RBM12B: variants seen among roughly 807,000 people sequenced by gnomAD.
The protein encoded by RBM12B is RNA-binding protein 12B.
In RBM12B, 10 loss-of-function variants were observed where a neutral mutation model predicts 34.3. The observed-to-expected ratio is 0.29, with a 90% CI of 0.18 to 0.49. RBM12B has a LOEUF of 0.49. RBM12B is among the 20% of genes least tolerant of loss of function. RBM12B has a pLI of 0.99. For missense variants in RBM12B, 1,139 were observed against 1,262.7 expected (o/e 0.90, Z 1.48); for synonymous variants, 477 against 437.1 (o/e 1.09, Z -1.14).
At chr8:93,739,159 G>T (rs2130477368) in intron 2 of RBM12B, 1 of 152,202 alleles carries the variant, frequency 6.6e-6, no homozygotes, top group Admixed American at 6.5e-5. Flanking sequence ...CTCTTTTTAA[G>T]ATATTTTAGA....
Position 93,736,958 on chromosome 8 carries a change from G to A in RBM12B, c.-29+349C>T, listed in dbSNP as rs551919091. Among the ~76,000 whole-genome samples the A allele has an allele frequency of 2.0e-5, 3 of 152,328 alleles. No individual in the cohort carries two copies. In the East Asian group the frequency reaches 5.8e-4, roughly 29 times the overall value. On this transcript the variant is annotated intron_variant, in intron 3 of 3. Coordinates refer to ENST00000520560, the MANE Select transcript of RBM12B (RefSeq NM_001377960.1). ...ATGATAGCTCATGCCTGTAATTCCA[G>A]GCTTTGCAAGGCCAAGGCAAGAGGA...
rs747593819 is a variant in RBM12B, at chr8:93,728,272, C to G, written c.*5133G>C. Reference sequence around the variant, plus strand: ...GATGAGGATGACGAGTTAGATGTTACAGAAGAAGAAAATTTTCTTAAGTAA... The same window carrying G: ...GATGAGGATGACGAGTTAGATGTTAGAGAAGAAGAAAATTTTCTTAAGTAA... On this transcript the variant is annotated 3_prime_UTR_variant, in exon 4 of 4. Transcript: ENST00000520560. The G allele has an allele frequency of 6.3e-6, 10 of 1,588,434 alleles. No individual in the cohort carries two copies. In the Admixed American group the frequency reaches 1.8e-4, roughly 29 times the overall value.
chr8:93,739,369 G>C (rs1033061314), intron 2 of RBM12B, among the ~76,000 whole-genome samples: 5 of 152,140 alleles, frequency 3.3e-5, no homozygotes, highest in African/African-American at 1.2e-4. Context: ...AGTTTCATGA[G>C]CACAAATCTC....
Position 93,734,272 on chromosome 8 carries a change from C to G in RBM12B, c.2139G>C (p.Glu713Asp), listed in dbSNP as rs1199605113. The G allele has an allele frequency of 1.2e-6, 2 of 1,613,540 alleles. No individual in the cohort carries two copies. The highest frequency in any genetic ancestry group is 1.7e-6 in the Non-Finnish European group (2 of 1,179,782). ...GCTCCTGGGGTGACTGCCTGAAGTC[C>G]TCCTCAGGGGAATGCCTGAAATCCT... ...PEEDFRHSPE[E>D]DFRQSPQEHF... The change falls in exon 4 of 4, where the codon GAG becomes GAC. Residue 713 changes from glutamate to aspartate, a missense_variant. Physicochemically the swap from Glu to Asp is conservative, Grantham distance 45 (BLOSUM62 2). Transcript: ENST00000520560.
At position 93,734,979 on chromosome 8, in the gene RBM12B, C is replaced by T. The variant is rs550448005; in HGVS notation, c.1432G>A (p.Ala478Thr). 64 of 1,614,104 alleles carry T rather than the reference C, an allele frequency of 4.0e-5. 3 individuals carry two copies. In the South Asian group the frequency reaches 5.8e-4, roughly 15 times the overall value. ...TEVLLRLISE[A>T]QIQEFGVNFS... is the part of the protein sequence containing the mutation. Reference sequence around the variant, plus strand: ...TTTACACCAAACTCCTGTATTTGTGCCTCAGATATAAGTCTTAATAACACC... The same window carrying T: ...TTTACACCAAACTCCTGTATTTGTGTCTCAGATATAAGTCTTAATAACACC... Residue 478 changes from alanine (A) to threonine (T), a missense_variant, in exon 4 of 4, where the codon GCA becomes ACA. Physicochemically the swap from Ala to Thr is moderately conservative, Grantham distance 58. Around this residue, in one of 3 missense-constraint regions of RBM12B, gnomAD observed 863 missense variants for 869.5 expected, o/e 0.99. Transcript: ENST00000520560.
rs769272283 is a variant in RBM12B, at chr8:93,734,482, G to T, written c.1929C>A (p.Phe643Leu). Residue 643 changes from phenylalanine (F) to leucine (L), a missense_variant, in exon 4 of 4, where the codon TTC becomes TTA. Around this residue, in one of 3 missense-constraint regions of RBM12B, gnomAD observed 863 missense variants for 869.5 expected, o/e 0.99. Coordinates refer to ENST00000520560, the MANE Select transcript of RBM12B (RefSeq NM_001377960.1). ...TGAAGTCCTCCTCGGGGAGCTGCCT[G>T]AAGTCCTCCGTGGGAGACCGCCTGA... is the stretch of plus-strand genomic sequence containing the variant. ...EDFRRSPTED[F>L]RQLPEEDFRQ... 2 of 1,607,764 alleles carry T rather than the reference G, an allele frequency of 1.2e-6. No individual in the cohort carries two copies. The highest frequency in any genetic ancestry group is 1.7e-6 in the Non-Finnish European group (2 of 1,176,362).
rs1811930059 is a variant in RBM12B at position 93,734,391 on chromosome 8, C to T, written c.2020G>A (p.Asp674Asn). 6.2e-7 allele frequency: 1 copy of T among 1,611,928 alleles called. No individual in the cohort carries two copies. Among genetic ancestry groups the T allele is most frequent in the African/African-American group, 1.3e-5 (1 of 74,130 alleles). Reference protein sequence around the residue: ...EEDFRRPPEEDWRRPPEEDFR... With the variant: ...EEDFRRPPEENWRRPPEEDFR... ...TCCTCCTCTGGGGGCCGTCTCCAGT[C>T]CTCCTCAGGTGGCCGCCTGAAATCT... The change falls in exon 4 of 4, where the codon GAC becomes AAC. Residue 674 changes from aspartate to asparagine, a missense_variant. This residue lies in a region of RBM12B where 863 missense variants were observed against 869.5 expected (regional missense o/e 0.99). Coordinates refer to ENST00000520560, the MANE Select transcript of RBM12B (RefSeq NM_001377960.1).
chr8:93,737,529 T>A (rs1033740053), intron 2 of RBM12B, among the ~76,000 whole-genome samples, 174 bp from the exon 3 acceptor site: 8 of 152,080 alleles, frequency 5.3e-5, no homozygotes, highest in Non-Finnish European at 1.0e-4. Context: ...TAATCATCCT[T>A]CTGCAAAAAG....
chr8:93,734,067 G>T lies in RBM12B; in HGVS notation c.2344C>A (p.Pro782Thr). ...GGCCGCCTGAAATGCTCCTGGGGCG[G>T]TCTCCGGAAGTGCTCCGGGGGCGGG... ...RRPPPEHFRR[P>T]PQEHFRRPPQ... The change falls in exon 4 of 4, where the codon CCG becomes ACG. Residue 782 changes from proline (P) to threonine (T), a missense_variant. Transcript: ENST00000520560. The T allele has an allele frequency of 6.3e-7, 1 of 1,577,110 alleles. No individual in the cohort carries two copies. The highest frequency in any genetic ancestry group is 8.6e-7 in the Non-Finnish European group (1 of 1,164,866).
Position 93,736,453 on chromosome 8 carries a change from G to C in RBM12B, c.-28-15C>G. 2 of 1,502,918 alleles carry C rather than the reference G, an allele frequency of 1.3e-6. No homozygotes were observed. The highest frequency in any genetic ancestry group is 1.8e-6 in the Non-Finnish European group (2 of 1,134,586). The allele number at this position is 1,502,918 out of a possible 1,614,324, so 93.1% of individuals were successfully genotyped here. A position where few individuals can be genotyped will look rare whatever the true frequency, so the allele number is the denominator to read the frequency against. On this transcript the variant is annotated splice_polypyrimidine_tract_variant and intron_variant, in intron 3 of 3. Transcript: ENST00000520560. ...GCAATAATGACCTGCAGACAAAAAG[G>C]TACACATAATAGCAAGTCTTATTTT...
chr8:93,740,748 C>G lies in RBM12B; in HGVS notation c.-145-52G>C, dbSNP rs763724299. The G allele has an allele frequency of 6.1e-4, 215 of 354,492 alleles. 3 individuals are homozygous for G. Among genetic ancestry groups the G allele is most frequent in the Non-Finnish European group, 7.5e-4 (136 of 180,550 alleles). The allele number at this position is 354,492 out of a possible 1,614,324, so 22.0% of individuals were successfully genotyped here. A position where few individuals can be genotyped will look rare whatever the true frequency, so the allele number is the denominator to read the frequency against. On this transcript the variant is annotated intron_variant, in intron 1 of 3. Coordinates refer to ENST00000520560, the MANE Select transcript of RBM12B (RefSeq NM_001377960.1). Reference sequence around the variant, plus strand: ...TTAGCAAGAAAAGAGGGTGCCCTAACGGCAGGAGCTACGCTAGATACTGGC... The same window carrying G: ...TTAGCAAGAAAAGAGGGTGCCCTAAGGGCAGGAGCTACGCTAGATACTGGC...
rs1334428115 is a variant in RBM12B at position 93,733,784 on chromosome 8, G to C, written c.2627C>G (p.Pro876Arg). ...RPPGEDFRSP[P>R]DDFRSHRPFV... ...AGGGCGGTGACTTCTAAAATCATCAGGCGGGCTCCTAAAATCCTCACCAGG... is the reference window on the plus strand; with the variant it reads ...AGGGCGGTGACTTCTAAAATCATCACGCGGGCTCCTAAAATCCTCACCAGG... Residue 876 changes from proline (P) to arginine (R), a missense_variant, in exon 4 of 4, where the codon CCT becomes CGT. Physicochemically the swap from Pro to Arg is moderately radical, Grantham distance 103. Transcript: ENST00000520560. 1.2e-6 allele frequency: 2 copies of C among 1,614,048 alleles called. No individual in the cohort carries two copies. Among genetic ancestry groups the C allele is most frequent in the Non-Finnish European group, 1.7e-6 (2 of 1,180,042 alleles).
chr8:93,735,972 T>C lies in RBM12B; in HGVS notation c.439A>G (p.Thr147Ala). 2 of 1,614,216 alleles carry C rather than the reference T, an allele frequency of 1.2e-6. No individual in the cohort carries two copies. Among genetic ancestry groups the C allele is most frequent in the Non-Finnish European group, 8.5e-7 (1 of 1,180,024 alleles). ...TGHGNLRPRK[T>A]RPLKAENPYL... Reference sequence around the variant, plus strand: ...GGATTCTCGGCCTTCAATGGCCTTGTCTTTCTTGGCCTTAAATTACCATGT... The same window carrying C: ...GGATTCTCGGCCTTCAATGGCCTTGCCTTTCTTGGCCTTAAATTACCATGT... The change falls in exon 4 of 4, where the codon ACA becomes GCA. Residue 147 changes from threonine (T) to alanine (A), a missense_variant. Around this residue, in one of 3 missense-constraint regions of RBM12B, gnomAD observed 216 missense variants for 292.2 expected, o/e 0.74. Coordinates refer to ENST00000520560, the MANE Select transcript of RBM12B (RefSeq NM_001377960.1).
intron 3 of RBM12B, 43 bp from the exon 4 acceptor site, chr8:93,736,481 A>T: frequency 1.4e-6 from 2 of 1,457,330 alleles, no homozygotes; most frequent in Non-Finnish European, 1.8e-6. Flanking sequence ...CTTATTTTTG[A>T]AGTACCTTAG....
chr8:93,735,311 A>G lies in RBM12B; in HGVS notation c.1100T>C (p.Ile367Thr), dbSNP rs1811980303. The change falls in exon 4 of 4, where the codon ATT becomes ACT. Residue 367 changes from isoleucine to threonine, a missense_variant. Transcript: ENST00000520560. ...PISRKQMLKF[I>T]ARYEKKRSGS... Reference sequence around the variant, plus strand: ...TGATCTCTTCTTTTCATAACGTGCAATGAACTTCAGCATTTGTTTTCTAGA... The same window carrying G: ...TGATCTCTTCTTTTCATAACGTGCAGTGAACTTCAGCATTTGTTTTCTAGA... 1.2e-6 allele frequency: 2 copies of G among 1,613,936 alleles called. No individual in the cohort carries two copies. Among genetic ancestry groups the G allele is most frequent in the Admixed American group, 1.7e-5 (1 of 59,992 alleles).
At chr8:93,736,962 T>C (rs1232304575) in intron 3 of RBM12B, among the ~76,000 whole-genome samples, 2 of 152,310 alleles carry the variant, frequency 1.3e-5, no homozygotes, top group Non-Finnish European at 2.9e-5. Context: ...ATTCCAGGCT[T>C]TGCAAGGCCA....
Position 93,734,812 on chromosome 8 carries a change from G to A in RBM12B, c.1599C>T (p.Asp533=). The change falls in exon 4 of 4, where the codon GAC becomes GAT. Residue 533 remains aspartate (D), a synonymous_variant. Transcript: ENST00000520560. ...AFENFRHQLE[D]LRQLDNFKHP... ...GCTTGAAGTTATCCAGTTGCCTCAA[G>A]TCCTCTAGCTGATGTCTAAAGTTTT... The A allele has an allele frequency of 6.2e-7, 1 of 1,614,176 alleles. No individual in the cohort carries two copies. Among genetic ancestry groups the A allele is most frequent in the Non-Finnish European group, 8.5e-7 (1 of 1,180,026 alleles).
In RBM12B at chr8:93,733,819, A is replaced by G; in HGVS notation, c.2592T>C (p.Asn864=). 1 of 1,614,130 alleles carries G rather than the reference A, an allele frequency of 6.2e-7. No individual in the cohort carries two copies. The highest frequency in any genetic ancestry group is 8.5e-7 in the Non-Finnish European group (1 of 1,180,014). Residue 864 remains asparagine, a synonymous_variant, in exon 4 of 4, where the codon AAT becomes AAC. Transcript: ENST00000520560. ...TAAAATCCTCACCAGGAGGTCTAAAATTGTCAGGAAGTCTAGGGTCCTCCT... is the reference window on the plus strand; with the variant it reads ...TAAAATCCTCACCAGGAGGTCTAAAGTTGTCAGGAAGTCTAGGGTCCTCCT... ...APEEDPRLPD[N]FRPPGEDFRS...
chr8:93,728,255 T>C lies in RBM12B; in HGVS notation c.*5150A>G, dbSNP rs758196622. 6.3e-7 allele frequency: 1 copy of C among 1,599,398 alleles called. No homozygotes were observed. The highest frequency in any genetic ancestry group is 8.5e-7 in the Non-Finnish European group (1 of 1,175,930). ...ATCAACAAGCAGAAGATGATGAGGA[T>C]GACGAGTTAGATGTTACAGAAGAAG... On this transcript the variant is annotated 3_prime_UTR_variant, in exon 4 of 4. Coordinates refer to ENST00000520560, the MANE Select transcript of RBM12B (RefSeq NM_001377960.1).
Sources: gnomAD v4.1 joint callset for allele counts (sites outside exome capture counted in the v4.1 genomes callset) on GRCh38, gnomAD v4.1.1 for gene constraint, gnomAD v4.1.1 regional missense constraint, MANE v1.5 for transcripts, NCBI Gene and HGNC (gene_info 2026-07-23, HGNC 2026-07-21) for gene names.